PLXDC2: variants seen among roughly 807,000 people sequenced by gnomAD.
PLXDC2 encodes plexin domain-containing protein 2.
In PLXDC2, 40 loss-of-function variants were observed where a neutral mutation model predicts 68.9. The ratio of observed to expected loss-of-function variants is 0.58; its 90% CI spans 0.45 to 0.76. PLXDC2 has a LOEUF of 0.76. PLXDC2 is among the 30% of genes least tolerant of loss of function. The pLI is 0.00. For missense variants in PLXDC2, 644 were observed against 661.9 expected (o/e 0.97, Z 0.30); for synonymous variants, 243 against 234.2 (o/e 1.04, Z -0.34).
intron 4 of PLXDC2, among the ~76,000 whole-genome samples, chr10:20,136,873 C>A (rs1833940084): frequency 6.6e-6 from 1 of 152,152 alleles, no homozygotes; most frequent in Non-Finnish European, 1.5e-5. Flanking sequence ...GTTTCACAAG[C>A]AATTATAGCT....
chr10:19,903,348 A>G (rs548467580), intron 1 of PLXDC2, among the ~76,000 whole-genome samples: 27 of 150,682 alleles, frequency 1.8e-4, no homozygotes, highest in African/African-American at 6.1e-4. Context: ...TACCATTTCA[A>G]TCTCACTTGT....
intron 3 of PLXDC2, among the ~76,000 whole-genome samples, chr10:20,057,172 A>G (rs1201601132): frequency 2.0e-5 from 3 of 152,222 alleles, no homozygotes; most frequent in Non-Finnish European, 4.4e-5. Flanking sequence ...TTATTAAATG[A>G]TAAAGATTTT....
chr10:20,020,177 A>ATTTTTTTTTTTTTT (rs1564659038), intron 2 of PLXDC2, among the ~76,000 whole-genome samples: 19 of 98,202 alleles, frequency 1.9e-4, no homozygotes, highest in African/African-American at 7.9e-4. Context: ...ACACCCAGCA[A>ATTTTTTTTTTTTTT]ATTTTTTTTT....
At chr10:19,887,077 C>A (rs934906862) in intron 1 of PLXDC2, among the ~76,000 whole-genome samples, 1 of 152,180 alleles carries the variant, frequency 6.6e-6, no homozygotes, top group Non-Finnish European at 1.5e-5. Flanking sequence ...TCCCAGAACA[C>A]CCTACTTTGA....
At chr10:20,033,088 T>C (rs1015378600) in intron 2 of PLXDC2, among the ~76,000 whole-genome samples, 12 of 151,292 alleles carry the variant, frequency 7.9e-5, no homozygotes, top group Non-Finnish European at 1.6e-4. Flanking sequence ...AAGTAAATGA[T>C]GAGTTAATGG....
chr10:20,216,720 T>C (rs1453406402), intron 10 of PLXDC2, among the ~76,000 whole-genome samples: 1 of 152,114 alleles, frequency 6.6e-6, no homozygotes, highest in Non-Finnish European at 1.5e-5. Flanking sequence ...CTATAAAAGT[T>C]TGGATGTTGG....
At chr10:20,066,129 G>A (rs779274903) in intron 3 of PLXDC2, among the ~76,000 whole-genome samples, 1 of 152,220 alleles carries the variant, frequency 6.6e-6, no homozygotes, top group Non-Finnish European at 1.5e-5. Flanking sequence ...TCAGAGTGAA[G>A]CAGACGATAG....
rs547239752 is a variant in PLXDC2 at position 20,280,025 on chromosome 10, C to G, written c.*206C>G. 77 of 527,800 alleles carry G rather than the reference C, an allele frequency of 1.5e-4. 1 individual carries two copies. In the South Asian group the frequency reaches 2.1e-3, roughly 15 times the overall value. 32.7% of individuals were successfully genotyped at this position (527,800 alleles called of 1,614,324 possible). The stretch of plus-strand genomic sequence containing the variant: ...AAACTTATACAAGATACCATTTACA[C>G]TGAACATAGAATTCCCTAGTGGAAT... On this transcript the variant is annotated 3_prime_UTR_variant, in exon 14 of 14. Coordinates refer to ENST00000377252, the MANE Select transcript of PLXDC2 (RefSeq NM_032812.9).
chr10:20,229,318 T>C (rs976641545), intron 12 of PLXDC2, among the ~76,000 whole-genome samples: 1 of 150,828 alleles, frequency 6.6e-6, no homozygotes. Context: ...TGTTTAGGAG[T>C]TGAAAGACCC....
intron 4 of PLXDC2, among the ~76,000 whole-genome samples, chr10:20,141,350 C>G (rs1430307805): frequency 2.6e-5 from 4 of 151,962 alleles, no homozygotes; most frequent in Admixed American, 2.0e-4. Context: ...CATTTTGCAA[C>G]AGTGTATTTC....
chr10:20,241,122 A>G (rs1359585176), intron 12 of PLXDC2, among the ~76,000 whole-genome samples: 1 of 82,688 alleles, frequency 1.2e-5, no homozygotes, highest in African/African-American at 5.0e-5. Context: ...TCTAAAGCAG[A>G]AATGTAAAGG....
intron 2 of PLXDC2, among the ~76,000 whole-genome samples, chr10:20,017,898 T>C (rs1023091318): frequency 6.6e-6 from 1 of 152,176 alleles, no homozygotes; most frequent in Non-Finnish European, 1.5e-5. Context: ...GAGGTTTTCT[T>C]TCTGGATGCA....
rs866224119 is a variant in PLXDC2, at chr10:20,285,661, G to T, written c.*5842G>T. The T allele has an allele frequency of 6.6e-6, 1 of 152,170 alleles. No individual in the cohort carries two copies. Among genetic ancestry groups the T allele is most frequent in the Non-Finnish European group, 1.5e-5 (1 of 68,036 alleles). 9.4% of individuals were successfully genotyped at this position (152,170 alleles called of 1,614,324 possible). A position where few individuals can be genotyped will look rare whatever the true frequency, so the allele number is the denominator to read the frequency against. ...TTCACTGCAGTCTTACTGACCAGAT[G>T]CAACAGTTGAAGTTTGATTTCTCGA... is the stretch of plus-strand genomic sequence containing the variant. On this transcript the variant is annotated 3_prime_UTR_variant, in exon 14 of 14. Coordinates refer to ENST00000377252, the MANE Select transcript of PLXDC2 (RefSeq NM_032812.9).
chr10:19,959,431 G>A (rs955599106), intron 1 of PLXDC2, among the ~76,000 whole-genome samples: 4 of 152,144 alleles, frequency 2.6e-5, no homozygotes, highest in Non-Finnish European at 5.9e-5. Context: ...AAAGAAAACA[G>A]CAAGTATTAA....
At chr10:20,215,135 A>G (rs918835667) in intron 10 of PLXDC2, among the ~76,000 whole-genome samples, 1 of 152,166 alleles carries the variant, frequency 6.6e-6, no homozygotes, top group African/African-American at 2.4e-5. Flanking sequence ...ACATAAATAA[A>G]AGGAAATTGA....
intron 1 of PLXDC2, among the ~76,000 whole-genome samples, chr10:19,863,858 T>A (rs1447488873): frequency 6.6e-6 from 1 of 152,138 alleles, no homozygotes; most frequent in Non-Finnish European, 1.5e-5. Context: ...GTATTAGACT[T>A]GATAAGTGTG....
chr10:19,956,358 A>C (rs1389565106), intron 1 of PLXDC2, among the ~76,000 whole-genome samples: 1 of 152,200 alleles, frequency 6.6e-6, no homozygotes, highest in African/African-American at 2.4e-5. Flanking sequence ...CTGCATGTTA[A>C]AATGAAAACA....
At chr10:20,157,269 C>G (rs2131807259) in intron 6 of PLXDC2, among the ~76,000 whole-genome samples, 1 of 152,212 alleles carries the variant, frequency 6.6e-6, no homozygotes, top group South Asian at 2.1e-4. Flanking sequence ...CTACTGAACA[C>G]CATATTGCAG....
At chr10:20,058,287 A>T (rs1035321316) in intron 3 of PLXDC2, among the ~76,000 whole-genome samples, 4 of 152,160 alleles carry the variant, frequency 2.6e-5, no homozygotes, top group Non-Finnish European at 5.9e-5. Flanking sequence ...GGAACGTTTC[A>T]TCCTAACATG....
Sources: allele counts gnomAD v4.1 joint callset (sites outside exome capture counted in the v4.1 genomes callset), GRCh38; gene constraint gnomAD v4.1.1; transcripts MANE v1.5; gene names NCBI Gene and HGNC (gene_info 2026-07-23, HGNC 2026-07-21).